RCN3: variants seen among roughly 807,000 people sequenced by gnomAD.
The protein encoded by RCN3 is reticulocalbin-3.
In RCN3, 41 loss-of-function variants were observed where a neutral mutation model predicts 35.9. The observed-to-expected ratio is 1.14, with a 90% CI of 0.89 to 1.48. The LOEUF (loss-of-function observed/expected upper bound fraction) is 1.48, where lower values mean the gene tolerates loss of function less well. Among genes scored for constraint, RCN3 ranks in the 40% most tolerant of loss-of-function variants. The pLI is 0.00. For missense variants in RCN3, 451 were observed against 471.3 expected (o/e 0.96, Z 0.40); for synonymous variants, 187 against 193.4 (o/e 0.97, Z 0.27).
intron 1 of RCN3, 69 bp from the exon 2 acceptor site, chr19:49,528,398 G>A (rs2080091901): frequency 7.3e-7 from 1 of 1,370,544 alleles, no homozygotes; most frequent in Non-Finnish European, 9.5e-7. Flanking sequence ...CCTCCACCCC[G>A]CCATTCTCCT....
At position 49,537,222 on chromosome 19, in the gene RCN3, G is replaced by A. The variant is rs2080140652; in HGVS notation, c.618+17G>A. 1 of 1,491,500 alleles carries A rather than the reference G, an allele frequency of 6.7e-7. No homozygotes were observed. Among genetic ancestry groups the A allele is most frequent in the Non-Finnish European group, 9.0e-7 (1 of 1,111,800 alleles). 92.4% of individuals were successfully genotyped at this position (1,491,500 alleles called of 1,614,324 possible). A position where few individuals can be genotyped will look rare whatever the true frequency, so the allele number is the denominator to read the frequency against. On this transcript the variant is annotated intron_variant, in intron 4 of 6. Coordinates refer to ENST00000270645, the MANE Select transcript of RCN3 (RefSeq NM_020650.3). The stretch of plus-strand genomic sequence containing the variant: ...GTGATTGCTGTGAGTGGCGGCTGGG[G>A]AACCCTGTCCCCCACACCCTTCCGG...
Position 49,543,300 on chromosome 19 carries a change from C to A in RCN3, c.*87C>A. On this transcript the variant is annotated 3_prime_UTR_variant, in exon 7 of 7. Coordinates refer to ENST00000270645, the MANE Select transcript of RCN3 (RefSeq NM_020650.3). ...GTCTGGCCCCCTCCCTGTCCAGGCC[C>A]CGCAGGAGGCAGATGCAGTCCCAGG... 3 of 1,078,614 alleles carry A rather than the reference C, an allele frequency of 2.8e-6. No homozygotes were observed. Among genetic ancestry groups the A allele is most frequent in the Non-Finnish European group, 4.2e-6 (3 of 716,722 alleles). 66.8% of individuals were successfully genotyped at this position (1,078,614 alleles called of 1,614,324 possible).
Position 49,542,590 on chromosome 19 carries a change from G to A in RCN3, c.717G>A (p.Pro239=), listed in dbSNP as rs777433802. The change falls in exon 6 of 7, where the codon CCG becomes CCA. Residue 239 remains proline, a synonymous_variant. Transcript: ENST00000270645. ...LYSAEPGEEE[P]AWVQTERQQF... is the part of the protein sequence containing the mutation. ...CAGCCGAGCCTGGGGAGGAGGAGCCGGCGTGGGTGCAGACGGAGAGGCAGC... is the reference window on the plus strand; with the variant it reads ...CAGCCGAGCCTGGGGAGGAGGAGCCAGCGTGGGTGCAGACGGAGAGGCAGC... 14 of 1,608,346 alleles carry A rather than the reference G, an allele frequency of 8.7e-6. No individual in the cohort carries two copies. The highest frequency in any genetic ancestry group is 1.1e-5 in the Non-Finnish European group (13 of 1,177,908).
At position 49,536,873 on chromosome 19, in the gene RCN3, T is replaced by C. The variant is rs2080138109; in HGVS notation, c.446-160T>C. On this transcript the variant is annotated intron_variant, in intron 3 of 6. Transcript: ENST00000270645. The stretch of plus-strand genomic sequence containing the variant: ...TGCCAGCTTCAGCCTCCCAAAGTGC[T>C]GCTATTACAGGCGTGAGCCACTGCA... 2.0e-5 allele frequency among the ~76,000 whole-genome samples: 3 copies of C among 152,334 alleles called. No individual in the cohort carries two copies. The South Asian group carries it at 6.2e-4, about 32-fold the overall frequency.
chr19:49,538,967 A>G (rs1205392221), intron 4 of RCN3, 152 bp from the exon 5 acceptor site: 2 of 543,028 alleles, frequency 3.7e-6, no homozygotes, highest in Non-Finnish European at 6.5e-6. Context: ...AATTTCCCAC[A>G]TGCCACCTGT....
At chr19:49,536,923 T>G in intron 3 of RCN3, 110 bp from the exon 4 acceptor site, 1 of 1,062,430 alleles carries the variant, frequency 9.4e-7, no homozygotes, top group Non-Finnish European at 1.3e-6. Context: ...ATATACTTAT[T>G]AACTCCACAG....
chr19:49,532,968 G>A (rs1035397221), intron 2 of RCN3, among the ~76,000 whole-genome samples: 2 of 152,188 alleles, frequency 1.3e-5, no homozygotes, highest in Admixed American at 1.3e-4. Context: ...GAGCCACCGC[G>A]CCTGTCCTGT....
At chr19:49,540,477 G>A (rs1037806243) in intron 5 of RCN3, among the ~76,000 whole-genome samples, 1 of 151,984 alleles carries the variant, frequency 6.6e-6, no homozygotes, top group Non-Finnish European at 1.5e-5. Context: ...AAAATTAGCC[G>A]GGCCTGTTGG....
Position 49,528,551 on chromosome 19 carries a change from G to C in RCN3, c.79G>C (p.Gly27Arg). 6.3e-7 allele frequency: 1 copy of C among 1,591,034 alleles called. No homozygotes were observed. The highest frequency in any genetic ancestry group is 8.5e-7 in the Non-Finnish European group (1 of 1,170,164). Residue 27 changes from glycine (G) to arginine (R), a missense_variant, in exon 2 of 7, where the codon GGC becomes CGC. Coordinates refer to ENST00000270645, the MANE Select transcript of RCN3 (RefSeq NM_020650.3). ...CCAGGGGAAGCCATCCCCAGACGCA[G>C]GCCCTCATGGCCAGGGGAGGGTGCA... ...GAQGKPSPDA[G>R]PHGQGRVHQA... is the part of the protein sequence containing the mutation.
chr19:49,533,948 C>T (rs1381981175), intron 2 of RCN3, among the ~76,000 whole-genome samples: 1 of 152,118 alleles, frequency 6.6e-6, no homozygotes, highest in Non-Finnish European at 1.5e-5. Flanking sequence ...CCGCAGTGCT[C>T]CCAGCAGGCC....
intron 2 of RCN3, among the ~76,000 whole-genome samples, chr19:49,532,669 C>CCTGTCCTAAGTGCTTTACAT (rs1342893546): frequency 5.5e-5 from 7 of 128,184 alleles, no homozygotes; most frequent in South Asian, 5.0e-4. Flanking sequence ...CCACCGTGCC[C>CCTGTCCTAAGTGCTTTACAT]GGCCTATTAT....
In RCN3 at chr19:49,528,493, TCTG is replaced by T. The variant is rs771509522; in HGVS notation, c.27_29del (p.Leu14del). Reference sequence around the variant, plus strand: ...GACCGATGATGTGGCGACCATCAGTTCTGCTGCTTCTGTTGCTACTGAGGCACG... The same window carrying T: ...GACCGATGATGTGGCGACCATCAGTTCTGCTTCTGTTGCTACTGAGGCACG... On this transcript the variant is annotated inframe_deletion, in exon 2 of 7. Coordinates refer to ENST00000270645, the MANE Select transcript of RCN3 (RefSeq NM_020650.3). 3.3e-6 allele frequency: 5 copies of T among 1,529,350 alleles called. No homozygotes were observed. In the Admixed American group the frequency reaches 1.1e-4, roughly 32 times the overall value. 94.7% of individuals were successfully genotyped at this position (1,529,350 alleles called of 1,614,324 possible). A position where few individuals can be genotyped will look rare whatever the true frequency, so the allele number is the denominator to read the frequency against.
In RCN3 at chr19:49,534,331, G is replaced by T; in HGVS notation, c.381G>T (p.Thr127=). 6.6e-7 allele frequency: 1 copy of T among 1,520,844 alleles called. No individual in the cohort carries two copies. The highest frequency in any genetic ancestry group is 2.5e-5 in the East Asian group (1 of 39,518). 94.2% of individuals were successfully genotyped at this position (1,520,844 alleles called of 1,614,324 possible). ...GCGCGGCCTGGGACACGTACGACAC[G>T]GACCGCGACGGGCGTGTGGGTTGGG... ...SVSAAWDTYD[T]DRDGRVGWEE... Residue 127 remains threonine, a synonymous_variant, in exon 3 of 7, where the codon ACG becomes ACT. Transcript: ENST00000270645.
In RCN3 at chr19:49,537,083, G is replaced by C. The variant is rs755064827; in HGVS notation, c.496G>C (p.Ala166Pro). ...TGCAGAGACCTACAAAAAGATGCTG[G>C]CTCGGGACGAGCGGCGTTTCCGGGT... ...EDAETYKKML[A>P]RDERRFRVAD... Residue 166 changes from alanine (A) to proline (P), a missense_variant, in exon 4 of 7, where the codon GCT (alanine) becomes CCT (proline). Transcript: ENST00000270645. 11 of 1,589,844 alleles carry C rather than the reference G, an allele frequency of 6.9e-6. No individual in the cohort carries two copies. The highest frequency in any genetic ancestry group is 1.7e-4 in the Middle Eastern group (1 of 5,980).
In RCN3 at chr19:49,528,598, C is replaced by T; in HGVS notation, c.126C>T (p.Asp42=). The T allele has an allele frequency of 2.5e-6, 4 of 1,610,756 alleles. No individual in the cohort carries two copies. The highest frequency in any genetic ancestry group is 2.3e-5 in the East Asian group (1 of 44,388). ...TGCACCAGGCGGCCCCCCTGAGCGA[C>T]GCTCCCCATGATGACGCCCACGGGA... ...GRVHQAAPLS[D]APHDDAHGNF... Residue 42 remains aspartate (D), a synonymous_variant, in exon 2 of 7, where the codon GAC becomes GAT. Transcript: ENST00000270645.
chr19:49,529,723 T>TGG (rs55928285), intron 2 of RCN3, among the ~76,000 whole-genome samples: 7 of 151,796 alleles, frequency 4.6e-5, no homozygotes, highest in Admixed American at 3.3e-4. Context: ...AGGTTGTTGG[T>TGG]GGGGGGGAGT....
At chr19:49,542,807 A>T in intron 6 of RCN3, 55 bp downstream of exon 6, 1 of 1,489,050 alleles carries the variant, frequency 6.7e-7, no homozygotes. Flanking sequence ...TGCGGGCCAG[A>T]CTCCAGAAAG....
At chr19:49,529,276 A>G (rs1320212225) in intron 2 of RCN3, among the ~76,000 whole-genome samples, 1 of 152,140 alleles carries the variant, frequency 6.6e-6, no homozygotes, top group African/African-American at 2.4e-5. Flanking sequence ...TTTGTCCCAG[A>G]CATCTCCCCT....
intron 1 of RCN3, 110 bp from the exon 2 acceptor site, chr19:49,528,357 C>A: frequency 9.0e-7 from 1 of 1,110,776 alleles, no homozygotes; most frequent in Non-Finnish European, 1.2e-6. Flanking sequence ...TTGCAGCCAA[C>A]TTCCAACTCC....
Sources: allele counts gnomAD v4.1 joint callset (sites outside exome capture counted in the v4.1 genomes callset), GRCh38; gene constraint gnomAD v4.1.1; transcripts MANE v1.5; gene names NCBI Gene and HGNC (gene_info 2026-07-23, HGNC 2026-07-21).